PPP1R12A: variants seen among roughly 807,000 people sequenced by gnomAD.
PPP1R12A encodes the protein protein phosphatase 1 regulatory subunit 12A, also known as myosin binding subunit.
PPP1R12A carries 19 observed loss-of-function variants against 139.6 expected under a neutral mutation model. The observed-to-expected ratio is 0.14, with a 90% CI of 0.09 to 0.20. The LOEUF (loss-of-function observed/expected upper bound fraction) is 0.20. Ranked by LOEUF, PPP1R12A falls within the 10% of genes least tolerant of loss-of-function variation. PPP1R12A has a pLI of 1.00. For synonymous variants in PPP1R12A, 427 were observed against 420.6 expected (o/e 1.02, Z -0.19); for missense variants, 925 against 1,211.5 (o/e 0.76, Z 3.51).
chr12:79,900,455 T>C (rs1038331734), intron 1 of PPP1R12A, among the ~76,000 whole-genome samples: 1 of 152,166 alleles, frequency 6.6e-6, no homozygotes, highest in Admixed American at 6.5e-5. Context: ...AAATATTTGC[T>C]GAATAAATAC....
chr12:79,920,452 A>G (rs1887351267), intron 1 of PPP1R12A, among the ~76,000 whole-genome samples: 1 of 152,220 alleles, frequency 6.6e-6, no homozygotes, highest in Admixed American at 6.5e-5. Context: ...GAAAGTGGCT[A>G]TACCATCTTA....
At chr12:79,817,573 G>T in intron 8 of PPP1R12A, 55 bp from the exon 9 acceptor site, 1 of 1,460,240 alleles carries the variant, frequency 6.8e-7, no homozygotes, top group Non-Finnish European at 9.2e-7. Flanking sequence ...GGTCTCAATG[G>T]CTGGGAAAAA....
Position 79,788,766 on chromosome 12 carries a change from G to A in PPP1R12A, c.2684C>T (p.Thr895Ile). The A allele has an allele frequency of 2.5e-6, 4 of 1,607,908 alleles. No homozygotes were observed. Among genetic ancestry groups the A allele is most frequent in the Non-Finnish European group, 3.4e-6 (4 of 1,176,860 alleles). ...GGAATCATATCGATCACCAGCTGATGTAGAACTGGTTTCATATCTTCAAAA... is the reference window on the plus strand; with the variant it reads ...GGAATCATATCGATCACCAGCTGATATAGAACTGGTTTCATATCTTCAAAA... ...DSISRYETSS[T>I]SAGDRYDSLL... The change falls in exon 21 of 25, where the codon ACA becomes ATA. Residue 895 changes from threonine to isoleucine, a missense_variant. Thr to Ile is a moderately conservative substitution (Grantham distance 89, BLOSUM62 -1). Transcript: ENST00000450142.
chr12:79,844,023 C>T (rs959459443), intron 3 of PPP1R12A, among the ~76,000 whole-genome samples: 4 of 152,010 alleles, frequency 2.6e-5, no homozygotes, highest in African/African-American at 9.7e-5. Context: ...TTTATATATA[C>T]ATACATATAT....
chr12:79,896,523 G>C (rs1885147204), intron 1 of PPP1R12A, among the ~76,000 whole-genome samples: 1 of 152,056 alleles, frequency 6.6e-6, no homozygotes, highest in South Asian at 2.1e-4. Context: ...TGTAGAGACA[G>C]GTGTTCGCCA....
intron 1 of PPP1R12A, among the ~76,000 whole-genome samples, chr12:79,917,609 T>A (rs1008118818): frequency 6.6e-6 from 1 of 152,102 alleles, no homozygotes; most frequent in African/African-American, 2.4e-5. Context: ...ACACTACTAC[T>A]TTCCTCATTA....
At chr12:79,918,869 AC>A (rs762786008) in intron 1 of PPP1R12A, among the ~76,000 whole-genome samples, 1 of 152,158 alleles carries the variant, frequency 6.6e-6, no homozygotes, top group Non-Finnish European at 1.5e-5. Flanking sequence ...TAATCCCAGC[AC>A]TTTGGGAGGC....
intron 14 of PPP1R12A, among the ~76,000 whole-genome samples, chr12:79,800,117 C>T (rs1025485858): frequency 6.6e-6 from 1 of 152,272 alleles, no homozygotes; most frequent in East Asian, 1.9e-4. Flanking sequence ...CAATCATTAA[C>T]GCTTCATCAA....
intron 2 of PPP1R12A, among the ~76,000 whole-genome samples, chr12:79,863,644 CAAAAAAAAAAAAAAA>C (rs61530316): frequency 4.5e-4 from 25 of 55,336 alleles, no homozygotes; most frequent in African/African-American, 1.2e-3. Context: ...AAATTGAAAG[CAAAAAAAAAAAAAAA>C]AAAAAAAAAA....
chr12:79,886,631 C>T (rs980084767), intron 1 of PPP1R12A, among the ~76,000 whole-genome samples: 2 of 151,774 alleles, frequency 1.3e-5, no homozygotes, highest in African/African-American at 4.8e-5. Flanking sequence ...AGAGAGATCA[C>T]AATATATATT....
At chr12:79,856,210 G>A (rs1880635807) in intron 2 of PPP1R12A, among the ~76,000 whole-genome samples, 1 of 152,048 alleles carries the variant, frequency 6.6e-6, no homozygotes, top group African/African-American at 2.4e-5. Context: ...AACTCAGCCT[G>A]GCATACAAAT....
At chr12:79,854,814 G>A (rs1453038118) in intron 2 of PPP1R12A, among the ~76,000 whole-genome samples, 1 of 151,786 alleles carries the variant, frequency 6.6e-6, no homozygotes, top group Non-Finnish European at 1.5e-5. Context: ...TAGGCCTACT[G>A]GCATGCACCA....
intron 24 of PPP1R12A, chr12:79,777,156 TATTA>T (rs5799440): frequency 0.096 from 85,588 of 895,448 alleles, 9,207 homozygotes; most frequent in African/African-American, 0.48. Context: ...CTTCAAAATA[TATTA>T]ATTATATGTA....
At chr12:79,867,636 T>C (rs943752564) in intron 2 of PPP1R12A, among the ~76,000 whole-genome samples, 1 of 152,136 alleles carries the variant, frequency 6.6e-6, no homozygotes. Context: ...GTCTCCCCTA[T>C]AAAAATTGTA....
At chr12:79,820,648 T>C (rs1374239066) in intron 8 of PPP1R12A, 126 bp downstream of exon 8, 1 of 872,142 alleles carries the variant, frequency 1.1e-6, no homozygotes, top group African/African-American at 1.7e-5. Context: ...AAAGATAATT[T>C]AGTAGTGTGG....
At chr12:79,923,222 C>T (rs1380380864) in intron 1 of PPP1R12A, among the ~76,000 whole-genome samples, 3 of 152,110 alleles carry the variant, frequency 2.0e-5, no homozygotes, top group Non-Finnish European at 2.9e-5. Context: ...TGCAGTCAGC[C>T]GAGATCACGC....
intron 1 of PPP1R12A, among the ~76,000 whole-genome samples, chr12:79,873,496 TAAAA>T (rs35604870): frequency 1.5e-5 from 2 of 134,804 alleles, no homozygotes; most frequent in African/African-American, 2.8e-5. Flanking sequence ...ACTCATAATT[TAAAA>T]AAAAAAAAAA....
chr12:79,820,714 C>T (rs1592666801), intron 8 of PPP1R12A, 60 bp downstream of exon 8: 1 of 1,566,370 alleles, frequency 6.4e-7, no homozygotes. Context: ...TACGTCTCAT[C>T]TTGTCTTATT....
At chr12:79,934,077 C>T (rs1252642577) in intron 1 of PPP1R12A, among the ~76,000 whole-genome samples, 2 of 152,118 alleles carry the variant, frequency 1.3e-5, no homozygotes, top group Non-Finnish European at 2.9e-5. Flanking sequence ...TTCCTTTCAG[C>T]CGGTGCAGAT....
Sources: gnomAD v4.1 joint callset for allele counts (sites outside exome capture counted in the v4.1 genomes callset) on GRCh38, gnomAD v4.1.1 for gene constraint, MANE v1.5 for transcripts, NCBI Gene and HGNC (gene_info 2026-07-23, HGNC 2026-07-21) for gene names.